Variants in CNTNAP5 observed in about 807,000 individuals in gnomAD.
CNTNAP5 encodes the protein contactin-associated protein-like 5.
In CNTNAP5, 72 loss-of-function variants were observed where a neutral mutation model predicts 150.2. That is an observed-to-expected ratio of 0.48 (90% CI 0.40 to 0.58). The LOEUF (loss-of-function observed/expected upper bound fraction) is 0.58, where lower values mean the gene tolerates loss of function less well. Among genes scored for constraint, CNTNAP5 ranks in the 20% least tolerant of loss-of-function variants. The probability of loss-of-function intolerance (pLI) is 0.00; values close to 1 mark genes in which losing one functional copy is unlikely to be tolerated. For missense variants in CNTNAP5, 1,636 were observed against 1,626.2 expected, an observed-to-expected ratio of 1.01 and a Z score of -0.10; for synonymous variants, 672 against 619.8, an observed-to-expected ratio of 1.08 and a Z score of -1.25.
chr2:124,202,977 TCGCC>T, intron 1 of CNTNAP5, among the ~76,000 whole-genome samples: 1 of 152,182 alleles, frequency 6.6e-6, no homozygotes, highest in Non-Finnish European at 1.5e-5. Flanking sequence ...TTCCCAACAG[TCGCC>T]CAAAGTCTTA....
At chr2:124,762,949 T>C (rs1680989462) in intron 14 of CNTNAP5, among the ~76,000 whole-genome samples, 1 of 152,104 alleles carries the variant, frequency 6.6e-6, no homozygotes, top group African/African-American at 2.4e-5. Context: ...TCAATGCTAG[T>C]TTCCTACATC....
At chr2:124,837,827 A>G (rs1240352694) in intron 19 of CNTNAP5, among the ~76,000 whole-genome samples, 2 of 152,178 alleles carry the variant, frequency 1.3e-5, no homozygotes, top group Non-Finnish European at 1.5e-5. Flanking sequence ...GCTGCTGCCT[A>G]CATAGCAAAT....
At chr2:124,517,011 C>A (rs1694734346) in intron 8 of CNTNAP5, among the ~76,000 whole-genome samples, 9 of 152,192 alleles carry the variant, frequency 5.9e-5, no homozygotes. Flanking sequence ...CACCCATCCT[C>A]CACATGGTGA....
In CNTNAP5 at chr2:124,130,623, C is replaced by CTGGA. The variant is rs1440719926; in HGVS notation, c.83-91082_83-91081insTGGA. Among the ~76,000 whole-genome samples, 851 of 152,204 alleles carry CTGGA rather than the reference C, an allele frequency of 5.6e-3. 9 individuals carry two copies. Among genetic ancestry groups the CTGGA allele is most frequent in the African/African-American group, 0.019 (780 of 41,498 alleles). On this transcript the variant is annotated intron_variant, in intron 1 of 23. Coordinates refer to ENST00000682447, the MANE Select transcript of CNTNAP5 (RefSeq NM_001367498.1). ...TTCTTTATAGGTGCAGTCCAGGGGTCCTCCATGGAAGTTTCACTGGTGGCG... is the reference window on the plus strand; with the variant it reads ...TTCTTTATAGGTGCAGTCCAGGGGTCTGGACTCCATGGAAGTTTCACTGGTGGCG...
chr2:124,687,066 T>C (rs1436034566), intron 13 of CNTNAP5, among the ~76,000 whole-genome samples: 2 of 152,068 alleles, frequency 1.3e-5, no homozygotes, highest in African/African-American at 4.8e-5. Flanking sequence ...GGAGAGAAAT[T>C]ACCAGAGTTT....
chr2:124,131,922 G>A (rs1399679166), intron 1 of CNTNAP5, among the ~76,000 whole-genome samples: 1 of 152,112 alleles, frequency 6.6e-6, no homozygotes, highest in African/African-American at 2.4e-5. Context: ...GCATGAGCGT[G>A]CAATGGGTGT....
At chr2:124,393,431 G>A (rs1429125323) in intron 3 of CNTNAP5, among the ~76,000 whole-genome samples, 1 of 152,114 alleles carries the variant, frequency 6.6e-6, no homozygotes, top group African/African-American at 2.4e-5. Context: ...CCAAAGGCTA[G>A]GTAAGACTTA....
At chr2:124,448,016 C>G (rs1375428828) in intron 6 of CNTNAP5, among the ~76,000 whole-genome samples, 1 of 151,944 alleles carries the variant, frequency 6.6e-6, no homozygotes, top group Non-Finnish European at 1.5e-5. Flanking sequence ...CACCTGTAAT[C>G]TCAGCACTTT....
chr2:124,900,453 T>C (rs1678393829), intron 21 of CNTNAP5, among the ~76,000 whole-genome samples: 1 of 151,548 alleles, frequency 6.6e-6, no homozygotes, highest in Non-Finnish European at 1.5e-5. Context: ...TCTTGTTCTT[T>C]GCATTTCTTT....
At chr2:124,685,764 G>GCGCGCGCA (rs1553431541) in intron 13 of CNTNAP5, among the ~76,000 whole-genome samples, 79 of 98,534 alleles carry the variant, frequency 8.0e-4, no homozygotes, top group African/African-American at 3.1e-3. Flanking sequence ...GTGTGTGTGC[G>GCGCGCGCA]CGCGCGTGTT....
At chr2:124,701,988 C>T (rs373508928) in intron 13 of CNTNAP5, among the ~76,000 whole-genome samples, 9 of 151,948 alleles carry the variant, frequency 5.9e-5, no homozygotes, top group South Asian at 2.1e-4. Context: ...GTGTAGTGAA[C>T]GTCAATATAC....
chr2:124,779,992 T>C (rs1433617923), intron 17 of CNTNAP5, among the ~76,000 whole-genome samples: 1 of 152,154 alleles, frequency 6.6e-6, no homozygotes, highest in Non-Finnish European at 1.5e-5. Flanking sequence ...TTTTCTAATA[T>C]ATTTAGTGTT....
intron 6 of CNTNAP5, among the ~76,000 whole-genome samples, chr2:124,467,479 G>T (rs1270439717): frequency 6.6e-6 from 1 of 152,126 alleles, no homozygotes; most frequent in Non-Finnish European, 1.5e-5. Context: ...TATATGGAGG[G>T]CTTGATGGAG....
intron 11 of CNTNAP5, among the ~76,000 whole-genome samples, chr2:124,571,533 T>C (rs10445858): frequency 1.1e-3 from 51 of 46,878 alleles, no homozygotes; most frequent in African/African-American, 3.9e-3. Context: ...TTTTCTTTTT[T>C]TTTTTTTTTT....
intron 1 of CNTNAP5, among the ~76,000 whole-genome samples, chr2:124,219,391 T>C (rs1267050154): frequency 6.6e-6 from 1 of 152,170 alleles, no homozygotes; most frequent in Non-Finnish European, 1.5e-5. Flanking sequence ...AACTACTATA[T>C]ACAATAGCTA....
At position 124,305,295 on chromosome 2, in the gene CNTNAP5, G is replaced by GA. The variant is rs1302325387; in HGVS notation, c.381+62903dup. 3.3e-5 allele frequency among the ~76,000 whole-genome samples: 5 copies of GA among 151,658 alleles called. No homozygotes were observed. In the East Asian group the frequency reaches 9.7e-4, roughly 29 times the overall value. On this transcript the variant is annotated intron_variant, in intron 3 of 23. Transcript: ENST00000682447. ...AAAAAAACAGACAAACAAAAAAGGT[G>GA]ACACTGCAAATGGCACCTAACCAGA...
rs1027565784 is a variant in CNTNAP5, at chr2:124,103,965, ATAGT to A, written c.82+78236_82+78239del. On this transcript the variant is annotated intron_variant, in intron 1 of 23. Coordinates refer to ENST00000682447, the MANE Select transcript of CNTNAP5 (RefSeq NM_001367498.1). ...TAAGCATTATATATGTTATTAAAAT[ATAGT>A]TAATCATAATAATATATGTACTGCA... is the stretch of plus-strand genomic sequence containing the variant. Among the ~76,000 whole-genome samples, 4 of 147,742 alleles carry A rather than the reference ATAGT, an allele frequency of 2.7e-5. No homozygotes were observed. In the South Asian group the frequency reaches 8.4e-4, roughly 31 times the overall value.
At chr2:124,176,767 G>A (rs1176404761) in intron 1 of CNTNAP5, among the ~76,000 whole-genome samples, 1 of 150,642 alleles carries the variant, frequency 6.6e-6, no homozygotes, top group East Asian at 1.9e-4. Context: ...GCATGGGGCA[G>A]AACTTTCTCT....
intron 4 of CNTNAP5, among the ~76,000 whole-genome samples, chr2:124,422,136 T>C (rs897521315): frequency 6.6e-6 from 1 of 152,236 alleles, no homozygotes; most frequent in African/African-American, 2.4e-5. Context: ...TCTCTCAGCA[T>C]AGGCAACAAG....
Sources: allele counts gnomAD v4.1 joint callset (sites outside exome capture counted in the v4.1 genomes callset), GRCh38; gene constraint gnomAD v4.1.1; transcripts MANE v1.5; gene names NCBI Gene and HGNC (gene_info 2026-07-23, HGNC 2026-07-21).